The following ZFPM2 variants were observed in gnomAD, a reference collection of about 807,000 sequenced individuals.
The protein encoded by ZFPM2 is zinc finger protein ZFPM2.
A neutral mutation model predicts 98.6 loss-of-function variants in ZFPM2; 20 were observed. The observed-to-expected ratio is 0.20, with a 90% CI of 0.14 to 0.29. The LOEUF (loss-of-function observed/expected upper bound fraction) is 0.29, where lower values mean the gene tolerates loss of function less well. ZFPM2 is among the 10% of genes least tolerant of loss of function. The probability of loss-of-function intolerance (pLI) is 1.00; values close to 1 mark genes in which losing one functional copy is unlikely to be tolerated. For missense variants in ZFPM2, 1,310 were observed against 1,388.6 expected, an observed-to-expected ratio of 0.94 and a Z score of 0.90; for synonymous variants, 518 against 502.7, an observed-to-expected ratio of 1.03 and a Z score of -0.41.
intron 3 of ZFPM2, among the ~76,000 whole-genome samples, chr8:105,520,243 T>C (rs1163526455): frequency 4.7e-5 from 7 of 148,462 alleles, no homozygotes; most frequent in Non-Finnish European, 3.0e-5. Flanking sequence ...CCAAAAAAAG[T>C]GAGATAGAAA....
At chr8:105,752,151 T>G (rs897610219) in intron 5 of ZFPM2, among the ~76,000 whole-genome samples, 3 of 152,150 alleles carry the variant, frequency 2.0e-5, no homozygotes, top group Admixed American at 2.0e-4. Context: ...GTATTCATAA[T>G]GTACTGCTCA....
chr8:105,568,913 A>G (rs1815297763), intron 4 of ZFPM2, among the ~76,000 whole-genome samples: 2 of 151,896 alleles, frequency 1.3e-5, no homozygotes, highest in South Asian at 4.2e-4. Flanking sequence ...AGTGCCCTGA[A>G]TGTCCATTTT....
At chr8:105,408,602 T>C (rs1811514419) in intron 1 of ZFPM2, among the ~76,000 whole-genome samples, 1 of 151,942 alleles carries the variant, frequency 6.6e-6, no homozygotes, top group African/African-American at 2.4e-5. Context: ...CACATACACC[T>C]GTGAAATTAG....
chr8:105,557,963 T>C (rs967592667), intron 3 of ZFPM2, among the ~76,000 whole-genome samples: 14 of 152,064 alleles, frequency 9.2e-5, no homozygotes, highest in Non-Finnish European at 1.9e-4. Flanking sequence ...GCTTAGCAAG[T>C]TGTGAGTGAG....
At position 105,765,823 on chromosome 8, in the gene ZFPM2, G is replaced by T. The variant is rs188756250; in HGVS notation, c.533-22895G>T. On this transcript the variant is annotated intron_variant, in intron 5 of 7. Transcript: ENST00000407775. Reference sequence around the variant, plus strand: ...ATAGATAGGTTTTACAATAGGAAAAGAAAATGGTATGCCAAGTGGCCTCTT... The same window carrying T: ...ATAGATAGGTTTTACAATAGGAAAATAAAATGGTATGCCAAGTGGCCTCTT... 5.8e-3 allele frequency among the ~76,000 whole-genome samples: 889 copies of T among 152,042 alleles called. 5 individuals carry two copies. The highest frequency in any genetic ancestry group is 0.014 in the Middle Eastern group (4 of 294).
At chr8:105,655,281 G>A (rs1226109819) in intron 5 of ZFPM2, among the ~76,000 whole-genome samples, 1 of 134,444 alleles carries the variant, frequency 7.4e-6, no homozygotes, top group Non-Finnish European at 1.5e-5. Context: ...ACCCAGGCTA[G>A]AGTGCAATGG....
intron 4 of ZFPM2, among the ~76,000 whole-genome samples, chr8:105,606,549 T>C (rs1216187650): frequency 1.3e-5 from 2 of 152,058 alleles, no homozygotes; most frequent in Non-Finnish European, 2.9e-5. Context: ...AATGCATGTT[T>C]TGAATTTTAA....
intron 3 of ZFPM2, among the ~76,000 whole-genome samples, chr8:105,530,303 G>T (rs1265471872): frequency 2.0e-5 from 3 of 152,232 alleles, no homozygotes; most frequent in African/African-American, 7.2e-5. Context: ...GGATTAGTCT[G>T]GCAACAGTCT....
At chr8:105,548,030 G>T (rs907960673) in intron 3 of ZFPM2, among the ~76,000 whole-genome samples, 1 of 151,858 alleles carries the variant, frequency 6.6e-6, no homozygotes, top group African/African-American at 2.4e-5. Flanking sequence ...CATCACATAG[G>T]TAATTTATAT....
At chr8:105,519,661 T>A (rs1814009283) in intron 3 of ZFPM2, among the ~76,000 whole-genome samples, 1 of 152,102 alleles carries the variant, frequency 6.6e-6, no homozygotes, top group Non-Finnish European at 1.5e-5. Flanking sequence ...TGAGTTAAAA[T>A]GAAAATGGAA....
At chr8:105,509,641 C>T (rs900270483) in intron 3 of ZFPM2, among the ~76,000 whole-genome samples, 1 of 152,020 alleles carries the variant, frequency 6.6e-6, no homozygotes, top group African/African-American at 2.4e-5. Context: ...CAATAAATGG[C>T]TCCCATGAGC....
intron 5 of ZFPM2, among the ~76,000 whole-genome samples, chr8:105,748,082 C>G (rs1812388954): frequency 6.6e-6 from 1 of 151,984 alleles, no homozygotes; most frequent in Admixed American, 6.6e-5. Flanking sequence ...CTTTCATTGA[C>G]TTTATATAAA....
Position 105,732,861 on chromosome 8 carries a change from C to A in ZFPM2, c.533-55857C>A, listed in dbSNP as rs150151873. On this transcript the variant is annotated intron_variant, in intron 5 of 7. Transcript: ENST00000407775. ...GAGAGGGAAATTAACTTTCAGCTTGCACGTTCATTATCTTTGATACCAAAA... is the reference window on the plus strand; with the variant it reads ...GAGAGGGAAATTAACTTTCAGCTTGAACGTTCATTATCTTTGATACCAAAA... 5.9e-5 allele frequency among the ~76,000 whole-genome samples: 9 copies of A among 151,874 alleles called. No homozygotes were observed. The East Asian group carries it at 1.4e-3, about 23-fold the overall frequency.
intron 5 of ZFPM2, among the ~76,000 whole-genome samples, chr8:105,652,499 C>T (rs911654704): frequency 6.6e-6 from 1 of 151,438 alleles, no homozygotes; most frequent in African/African-American, 2.4e-5. Context: ...ATAAGCTATT[C>T]CCATCTATTT....
chr8:105,441,417 A>G (rs1812235473), intron 2 of ZFPM2, among the ~76,000 whole-genome samples: 1 of 139,076 alleles, frequency 7.2e-6, no homozygotes, highest in African/African-American at 3.0e-5. Flanking sequence ...GTCTCAACAA[A>G]AAAAAAGAAA....
In ZFPM2 at chr8:105,469,245, A is replaced by G. The variant is rs374052230; in HGVS notation, c.301+24864A>G. Reference sequence around the variant, plus strand: ...TTTAATTTTCTCAGTATGATCTCCAATATTTCAGAGTGCTCACTCTTAAGT... The same window carrying G: ...TTTAATTTTCTCAGTATGATCTCCAGTATTTCAGAGTGCTCACTCTTAAGT... On this transcript the variant is annotated intron_variant, in intron 3 of 7. Transcript: ENST00000407775. Among the ~76,000 whole-genome samples the G allele has an allele frequency of 3.1e-4, 47 of 152,264 alleles. No homozygotes were observed. The East Asian group carries it at 3.9e-3, about 12-fold the overall frequency.
chr8:105,512,213 TA>T (rs1286716155), intron 3 of ZFPM2, among the ~76,000 whole-genome samples: 1 of 152,192 alleles, frequency 6.6e-6, no homozygotes, highest in Non-Finnish European at 1.5e-5. Flanking sequence ...CTATTTAGAC[TA>T]AATGTTTGGG....
At chr8:105,396,517 G>A (rs929616927) in intron 1 of ZFPM2, among the ~76,000 whole-genome samples, 2 of 152,128 alleles carry the variant, frequency 1.3e-5, no homozygotes, top group African/African-American at 4.8e-5. Context: ...ACAGGTTAAA[G>A]GCTCTTTGAG....
Position 105,803,294 on chromosome 8 carries a change from A to T in ZFPM2, c.3212A>T (p.Asp1071Val), listed in dbSNP as rs765457793. The change falls in exon 8 of 8, where the codon GAC becomes GTC. Residue 1071 changes from aspartate (D) to valine (V), a missense_variant. Asp to Val is a radical substitution (Grantham distance 152, BLOSUM62 -3). Transcript: ENST00000407775. ...ENISQNPQHEDDHKSPSWISE... is the reference protein window; with the variant it reads ...ENISQNPQHEVDHKSPSWISE... The stretch of plus-strand genomic sequence containing the variant: ...ATTTCCCAGAATCCTCAGCACGAAG[A>T]CGACCACAAATCTCCCTCGTGGATC... 6.3e-7 allele frequency: 1 copy of T among 1,595,006 alleles called. No individual in the cohort carries two copies.
Sources: allele counts gnomAD v4.1 joint callset (sites outside exome capture counted in the v4.1 genomes callset), GRCh38; gene constraint gnomAD v4.1.1; transcripts MANE v1.5; gene names NCBI Gene and HGNC (gene_info 2026-07-23, HGNC 2026-07-21).